Variants in SLC35E3 observed in about 807,000 individuals in gnomAD.
SLC35E3 encodes the protein bladder cancer-overexpressed gene 1 protein.
A neutral mutation model predicts 30.8 loss-of-function variants in SLC35E3; 28 were observed. The ratio of observed to expected loss-of-function variants is 0.91; its 90% confidence interval spans 0.67 to 1.25. SLC35E3 has a LOEUF of 1.25. SLC35E3 is among the 50% of genes most tolerant of loss of function. SLC35E3 has a pLI of 0.00. For synonymous variants in SLC35E3, 146 were observed against 149.2 expected (o/e 0.98, Z 0.16); for missense variants, 365 against 375.4 (o/e 0.97, Z 0.23).
At chr12:68,748,061 T>C (rs765891889) in intron 2 of SLC35E3, 21 bp downstream of exon 2, 5 of 1,336,574 alleles carry the variant, frequency 3.7e-6, no homozygotes, top group Admixed American at 1.8e-5. Flanking sequence ...TTTTTTTCTT[T>C]ATGTGCCTTT....
Position 68,780,481 on chromosome 12 carries a change from CTT to C in SLC35E3, c.*15612_*15613del, listed in dbSNP as rs34635694. 7 of 109,624 alleles carry C rather than the reference CTT, an allele frequency of 6.4e-5. No individual in the cohort carries two copies. The highest frequency in any genetic ancestry group is 5.6e-5 in the Non-Finnish European group (3 of 53,766). 6.8% of individuals were successfully genotyped at this position (109,624 alleles called of 1,614,324 possible). A position where few individuals can be genotyped will look rare whatever the true frequency, so the allele number is the denominator to read the frequency against. ...AGCCGTCCTGCCTGGCCTAGTCACA[CTT>C]TTTTTTTTTTTTTTTTTTTTGGAGA... On this transcript the variant is annotated 3_prime_UTR_variant, in exon 5 of 5. Coordinates refer to ENST00000398004, the MANE Select transcript of SLC35E3 (RefSeq NM_018656.5).
At chr12:68,761,533 G>A (rs534089453) in intron 4 of SLC35E3, among the ~76,000 whole-genome samples, 1 of 152,188 alleles carries the variant, frequency 6.6e-6, no homozygotes, top group Non-Finnish European at 1.5e-5. Flanking sequence ...ACTGTAGGAT[G>A]TTTTCAGCAG....
intron 3 of SLC35E3, among the ~76,000 whole-genome samples, chr12:68,755,587 T>C (rs1878969432): frequency 1.3e-5 from 2 of 152,198 alleles, no homozygotes; most frequent in African/African-American, 2.4e-5. Context: ...CTGCAGACAG[T>C]ACAAGAAGCA....
rs1211726372 is a variant in SLC35E3 at position 68,746,191 on chromosome 12, C to G, written c.-187C>G. The G allele has an allele frequency of 2.0e-6, 1 of 508,428 alleles. No individual in the cohort carries two copies. Among genetic ancestry groups the G allele is most frequent in the East Asian group, 3.2e-5 (1 of 31,542 alleles). 31.5% of individuals were successfully genotyped at this position (508,428 alleles called of 1,614,324 possible). On this transcript the variant is annotated 5_prime_UTR_variant, in exon 1 of 5. Transcript: ENST00000398004. ...GTGCTGCGGCGTCCTAGCTGGCTTACAGGGCGGCGGCGGGGTGTGTGTCCT... is the reference window on the plus strand; with the variant it reads ...GTGCTGCGGCGTCCTAGCTGGCTTAGAGGGCGGCGGCGGGGTGTGTGTCCT...
rs1219041257 is a variant in SLC35E3, at chr12:68,746,626, C to T, written c.249C>T (p.Ser83=). ...CCAGGCTCCTCCTCCTGGCCCTCAGCTTCTGTGGCTTTGTGGTCTTCACTA... is the reference window on the plus strand; with the variant it reads ...CCAGGCTCCTCCTCCTGGCCCTCAGTTTCTGTGGCTTTGTGGTCTTCACTA... ...PPSRLLLLAL[S]FCGFVVFTNL... is the part of the protein sequence containing the mutation. Residue 83 remains serine (S), a synonymous_variant, in exon 1 of 5, where the codon AGC becomes AGT. Coordinates refer to ENST00000398004, the MANE Select transcript of SLC35E3 (RefSeq NM_018656.5). 3.1e-6 allele frequency: 5 copies of T among 1,614,142 alleles called. No individual in the cohort carries two copies. In the African/African-American group the frequency reaches 4.0e-5, roughly 13 times the overall value.
At position 68,746,466 on chromosome 12, in the gene SLC35E3, T is replaced by A; in HGVS notation, c.89T>A (p.Phe30Tyr). 1 of 1,614,208 alleles carries A rather than the reference T, an allele frequency of 6.2e-7. No homozygotes were observed. Among genetic ancestry groups the A allele is most frequent in the Non-Finnish European group, 8.5e-7 (1 of 1,180,014 alleles). Residue 30 changes from phenylalanine (F) to tyrosine (Y), a missense_variant, in exon 1 of 5, where the codon TTC becomes TAC. Transcript: ENST00000398004. ...CTGCTGGTGTCCATCTGCATTGTGT[T>A]CCTCAACAAATGGATTTATGTGTAC... ...FNLLVSICIVFLNKWIYVYHG... is the reference protein window; with the variant it reads ...FNLLVSICIVYLNKWIYVYHG...
At chr12:68,750,014 A>G (rs902643012) in intron 2 of SLC35E3, among the ~76,000 whole-genome samples, 1 of 152,214 alleles carries the variant, frequency 6.6e-6, no homozygotes, top group Non-Finnish European at 1.5e-5. Context: ...AAGGCAGAGC[A>G]GTCAGGAACC....
intron 3 of SLC35E3, among the ~76,000 whole-genome samples, chr12:68,755,947 G>A (rs991898715): frequency 6.6e-6 from 1 of 152,048 alleles, no homozygotes; most frequent in Non-Finnish European, 1.5e-5. Context: ...TGAGGAAACC[G>A]AGAGATAAAG....
Position 68,763,073 on chromosome 12 carries a change from C to A in SLC35E3, c.756-1631C>A, listed in dbSNP as rs866620324. On this transcript the variant is annotated intron_variant, in intron 4 of 4. Coordinates refer to ENST00000398004, the MANE Select transcript of SLC35E3 (RefSeq NM_018656.5). The stretch of plus-strand genomic sequence containing the variant: ...GGTGGTTGTATTTGAGAGAATGTGT[C>A]AAGCACCAAGCAGGTGTTTATGATA... Among the ~76,000 whole-genome samples the A allele has an allele frequency of 3.3e-5, 5 of 152,336 alleles. No individual in the cohort carries two copies. The Middle Eastern group carries it at 0.017, about 518-fold the overall frequency.
chr12:68,765,338 CTTTT>C lies in SLC35E3; in HGVS notation c.*453_*456del, dbSNP rs1350746075. The C allele has an allele frequency of 6.6e-6, 1 of 151,842 alleles. No homozygotes were observed. Among genetic ancestry groups the C allele is most frequent in the Non-Finnish European group, 1.5e-5 (1 of 68,054 alleles). The allele number at this position is 151,842 out of a possible 1,614,324, so 9.4% of individuals were successfully genotyped here. On this transcript the variant is annotated 3_prime_UTR_variant, in exon 5 of 5. Transcript: ENST00000398004. ...AAAGCAGATTTTATTCATATAATGA[CTTTT>C]TTTTAAGAGTCTCTTTTTTAAAAAA...
chr12:68,752,932 G>A (rs888225156), intron 3 of SLC35E3, among the ~76,000 whole-genome samples: 4 of 151,372 alleles, frequency 2.6e-5, no homozygotes, highest in South Asian at 4.2e-4. Context: ...AATCACCTGA[G>A]GTCAGGAGTT....
intron 2 of SLC35E3, among the ~76,000 whole-genome samples, chr12:68,750,848 C>T (rs1006932432): frequency 1.3e-5 from 2 of 152,226 alleles, no homozygotes; most frequent in East Asian, 3.9e-4. Flanking sequence ...CTATTTTTGT[C>T]TTGATGGATT....
chr12:68,763,752 G>C (rs1879298558), intron 4 of SLC35E3, among the ~76,000 whole-genome samples: 1 of 152,168 alleles, frequency 6.6e-6, no homozygotes, highest in Non-Finnish European at 1.5e-5. Flanking sequence ...AATGAACAAT[G>C]ATTTGGAAAA....
intron 3 of SLC35E3, among the ~76,000 whole-genome samples, chr12:68,752,408 G>T (rs1648852686): frequency 6.6e-6 from 1 of 152,154 alleles, no homozygotes; most frequent in South Asian, 2.1e-4. Flanking sequence ...GCTACTCAGT[G>T]GCAAAAGCAG....
rs1283259560 is a variant in SLC35E3 at position 68,752,189 on chromosome 12, T to C, written c.671T>C (p.Leu224Ser). 10 of 1,601,860 alleles carry C rather than the reference T, an allele frequency of 6.2e-6. No individual in the cohort carries two copies. The highest frequency in any genetic ancestry group is 8.5e-6 in the Non-Finnish European group (10 of 1,176,398). ...TTTGGTCCCTGGTCAGTTTCTGCTT[T>C]GGTAAGTTCTAATTGTTTTGATATC... ...GIFGPWSVSA[L>S]LMVLLSGVIA... The change falls in exon 3 of 5, where the codon TTG (leucine) becomes TCG (serine). Residue 224 changes from leucine (L) to serine (S), a missense_variant and splice_region_variant. By Grantham distance (145) the Leu-to-Ser change is moderately radical (BLOSUM62 -2). Coordinates refer to ENST00000398004, the MANE Select transcript of SLC35E3 (RefSeq NM_018656.5).
At chr12:68,754,628 A>T (rs767152888) in intron 3 of SLC35E3, among the ~76,000 whole-genome samples, 5 of 152,102 alleles carry the variant, frequency 3.3e-5, no homozygotes, top group African/African-American at 1.2e-4. Flanking sequence ...CTTTTTTCCC[A>T]GTTCTTTACC....
At chr12:68,752,870 G>A (rs577719606) in intron 3 of SLC35E3, among the ~76,000 whole-genome samples, 3 of 152,184 alleles carry the variant, frequency 2.0e-5, no homozygotes, top group African/African-American at 7.2e-5. Context: ...CTGAGGCTGG[G>A]TGCGGTGGCT....
chr12:68,747,847 C>A, intron 1 of SLC35E3, 83 bp from the exon 2 acceptor site: 1 of 691,368 alleles, frequency 1.4e-6, no homozygotes, highest in Non-Finnish European at 2.6e-6. Flanking sequence ...TTATCATTAG[C>A]CTTGTAAGAC....
chr12:68,749,656 A>C (rs957204558), intron 2 of SLC35E3, among the ~76,000 whole-genome samples: 4 of 152,194 alleles, frequency 2.6e-5, no homozygotes, highest in Non-Finnish European at 5.9e-5. Context: ...AGGGGCGGTG[A>C]GGTAAGACTT....
Sources: gnomAD v4.1 joint callset for allele counts (sites outside exome capture counted in the v4.1 genomes callset) on GRCh38, gnomAD v4.1.1 for gene constraint, MANE v1.5 for transcripts, NCBI Gene and HGNC (gene_info 2026-07-23, HGNC 2026-07-21) for gene names.